The following COL9A3 variants were observed in gnomAD, a reference collection of about 807,000 sequenced individuals.
COL9A3 encodes collagen type IX alpha 3 chain.
A neutral mutation model predicts 110.2 loss-of-function variants in COL9A3; 82 were observed. That is an observed-to-expected ratio of 0.74 (90% CI 0.62 to 0.89). The LOEUF (loss-of-function observed/expected upper bound fraction) is 0.89. Ranked by LOEUF, COL9A3 falls within the 40% of genes least tolerant of loss-of-function variation. COL9A3 has a pLI of 0.00. For missense variants in COL9A3, 1,066 were observed against 981.3 expected, an observed-to-expected ratio of 1.09 and a Z score of -1.15; for synonymous variants, 494 against 403.8, an observed-to-expected ratio of 1.22 and a Z score of -2.68.
chr20:62,825,978 T>G, intron 13 of COL9A3, 108 bp downstream of exon 13: 1 of 1,308,012 alleles, frequency 7.6e-7, no homozygotes, highest in Non-Finnish European at 1.1e-6. Flanking sequence ...TGGGGGGTGT[T>G]TGGCCAACAC....
intron 26 of COL9A3, among the ~76,000 whole-genome samples, chr20:62,834,480 A>AG (rs1204884302): frequency 1.3e-5 from 2 of 152,104 alleles, no homozygotes; most frequent in Non-Finnish European, 2.9e-5. Context: ...GGCTTTCCCG[A>AG]GGGGGGTTTT....
At position 62,821,519 on chromosome 20, in the gene COL9A3, C is replaced by T. The variant is rs1402135273; in HGVS notation, c.358C>T (p.Pro120Ser). 2 of 1,612,864 alleles carry T rather than the reference C, an allele frequency of 1.2e-6. No individual in the cohort carries two copies. The highest frequency in any genetic ancestry group is 1.1e-5 in the South Asian group (1 of 91,078). The change falls in exon 7 of 32, where the codon CCT becomes TCT. Residue 120 changes from proline (P) to serine (S), a missense_variant. By Grantham distance (74) the Pro-to-Ser change is moderately conservative. Coordinates refer to ENST00000649368, the MANE Select transcript of COL9A3 (RefSeq NM_001853.4). ...TTTGGCTTTGCAGGGCAAAGGCCTCCCTGGACCCCCCGTGAGTACTGACAA... is the reference window on the plus strand; with the variant it reads ...TTTGGCTTTGCAGGGCAAAGGCCTCTCTGGACCCCCCGTGAGTACTGACAA... ...GPPGLGGKGL[P>S]GPPGEAGVSG...
intron 25 of COL9A3, 54 bp downstream of exon 25, chr20:62,832,243 C>T: frequency 1.3e-6 from 2 of 1,562,702 alleles, no homozygotes; most frequent in Non-Finnish European, 1.8e-6. Flanking sequence ...TGCACAGCTT[C>T]TCCCAGGCTC....
intron 3 of COL9A3, 104 bp downstream of exon 3, chr20:62,818,657 C>G: frequency 7.7e-7 from 1 of 1,304,608 alleles, no homozygotes; most frequent in South Asian, 1.2e-5. Flanking sequence ...TGCCGGAGCC[C>G]GGGTTGCCTG....
intron 12 of COL9A3, among the ~76,000 whole-genome samples, 179 bp downstream of exon 12, chr20:62,825,200 G>T (rs996524216): frequency 3.3e-5 from 5 of 150,216 alleles, no homozygotes; most frequent in African/African-American, 1.2e-4. Context: ...GGCTCCGGCG[G>T]TGGGGAGGGA....
chr20:62,822,709 G>A lies in COL9A3; in HGVS notation c.519+77G>A. On this transcript the variant is annotated intron_variant, in intron 10 of 31. Coordinates refer to ENST00000649368, the MANE Select transcript of COL9A3 (RefSeq NM_001853.4). ...GGGAGGGGTTCTGGCCTGGAGAGGGGCTTGTCCATACTGGCAAGAAGGCAG... is the reference window on the plus strand; with the variant it reads ...GGGAGGGGTTCTGGCCTGGAGAGGGACTTGTCCATACTGGCAAGAAGGCAG... The A allele has an allele frequency of 2.0e-6, 3 of 1,497,596 alleles. No homozygotes were observed. The Middle Eastern group carries it at 5.4e-4, about 271-fold the overall frequency. The allele number at this position is 1,497,596 out of a possible 1,614,324, so 92.8% of individuals were successfully genotyped here.
At chr20:62,829,526 T>C (rs751844186) in intron 20 of COL9A3, 27 bp downstream of exon 20, 10 of 1,526,608 alleles carry the variant, frequency 6.6e-6, no homozygotes, top group South Asian at 2.2e-5. Context: ...GCTTTCTCTC[T>C]GGGAGGGGAG....
In COL9A3 at chr20:62,832,042, G is replaced by A. The variant is rs565804402; in HGVS notation, c.1288-112G>A. 3.7e-5 allele frequency: 40 copies of A among 1,092,032 alleles called. No homozygotes were observed. In the South Asian group the frequency reaches 5.0e-4, roughly 14 times the overall value. 67.6% of individuals were successfully genotyped at this position (1,092,032 alleles called of 1,614,324 possible). ...GAGCCGGTGTTCACAGAAGCCCTTT[G>A]TGCAGCACAGATGGAGATGTGGGGA... On this transcript the variant is annotated intron_variant, in intron 24 of 31. Coordinates refer to ENST00000649368, the MANE Select transcript of COL9A3 (RefSeq NM_001853.4).
chr20:62,828,010 C>T (rs1307582125), intron 17 of COL9A3, 34 bp downstream of exon 17: 1 of 1,610,464 alleles, frequency 6.2e-7, no homozygotes. Context: ...GAATGCTCCT[C>T]CCCCGGGTCC....
Position 62,837,333 on chromosome 20 carries a change from C to T in COL9A3, c.1786+68C>T, listed in dbSNP as rs375185148. On this transcript the variant is annotated intron_variant, in intron 30 of 31. Transcript: ENST00000649368. Reference sequence around the variant, plus strand: ...TCCCTGAGACTGACTTGTTAGTAGGCGCTGCTTCTGGTGCCTGCCATGCGC... The same window carrying T: ...TCCCTGAGACTGACTTGTTAGTAGGTGCTGCTTCTGGTGCCTGCCATGCGC... 874 of 1,527,626 alleles carry T rather than the reference C, an allele frequency of 5.7e-4. 7 individuals are homozygous for T. The African/African-American group carries it at 0.01, about 17-fold the overall frequency. The allele number at this position is 1,527,626 out of a possible 1,614,324, so 94.6% of individuals were successfully genotyped here.
rs1471038113 is a variant in COL9A3 at position 62,829,817 on chromosome 20, G to T, written c.1159G>T (p.Ala387Ser). The stretch of plus-strand genomic sequence containing the variant: ...CGGTGAGGCTGGCCACCGGGGCTCA[G>T]CGGTGAGTGCAGGGACATGGCCCGG... Reference protein sequence around the residue: ...ERGEAGHRGSAGALGPQGPPG... With the variant: ...ERGEAGHRGSSGALGPQGPPG... Residue 387 changes from alanine (A) to serine (S), a missense_variant and splice_region_variant, in exon 22 of 32, where the codon GCG (alanine) becomes TCG (serine). By Grantham distance (99) the Ala-to-Ser change is moderately conservative. Coordinates refer to ENST00000649368, the MANE Select transcript of COL9A3 (RefSeq NM_001853.4). 1.3e-6 allele frequency: 2 copies of T among 1,568,714 alleles called. No homozygotes were observed. The highest frequency in any genetic ancestry group is 1.7e-6 in the Non-Finnish European group (2 of 1,158,040).
At chr20:62,836,420 G>A (rs760283995) in intron 28 of COL9A3, 58 bp from the exon 29 acceptor site, 16 of 1,613,352 alleles carry the variant, frequency 9.9e-6, no homozygotes, top group Non-Finnish European at 1.3e-5. Flanking sequence ...GGTGACGGTG[G>A]GAATGCCTCA....
intron 16 of COL9A3, 105 bp from the exon 17 acceptor site, chr20:62,827,818 G>A (rs1478230419): frequency 7.9e-6 from 10 of 1,257,914 alleles, no homozygotes; most frequent in African/African-American, 4.4e-5. Context: ...GGCCCCTGCC[G>A]CTGCCCACCA....
chr20:62,830,217 G>A, intron 22 of COL9A3, 143 bp from the exon 23 acceptor site: 5 of 986,922 alleles, frequency 5.1e-6, no homozygotes, highest in Non-Finnish European at 7.9e-6. Flanking sequence ...CCCTGCCTTT[G>A]TCCCCAGCAA....
Position 62,821,524 on chromosome 20 carries a change from A to AC in COL9A3, c.369dup (p.Gly124ArgfsTer44), listed in dbSNP as rs1218220070. 2 of 1,611,788 alleles carry AC rather than the reference A, an allele frequency of 1.2e-6. No individual in the cohort carries two copies. The highest frequency in any genetic ancestry group is 1.7e-5 in the Admixed American group (1 of 59,938). On this transcript the variant is annotated frameshift_variant, in exon 7 of 32. Transcript: ENST00000649368. LOFTEE classifies it high-confidence loss of function. The stretch of plus-strand genomic sequence containing the variant: ...CTTTGCAGGGCAAAGGCCTCCCTGG[A>AC]CCCCCCGTGAGTACTGACAACCCTT...
chr20:62,829,561 TG>T lies in COL9A3; in HGVS notation c.1054-61del, dbSNP rs3215568. ...GGCGAGGGGCCGGGAGGCAAGGGGC[TG>T]GGGGGCCAGCGACCTGGCCCCAGTG... is the stretch of plus-strand genomic sequence containing the variant. On this transcript the variant is annotated intron_variant, in intron 20 of 31. Coordinates refer to ENST00000649368, the MANE Select transcript of COL9A3 (RefSeq NM_001853.4). 8 of 1,602,434 alleles carry T rather than the reference TG, an allele frequency of 5.0e-6. No individual in the cohort carries two copies. In the South Asian group the frequency reaches 6.6e-5, roughly 13 times the overall value.
chr20:62,833,076 G>A lies in COL9A3; in HGVS notation c.1368+12G>A. The A allele has an allele frequency of 6.2e-7, 1 of 1,610,742 alleles. No homozygotes were observed. The highest frequency in any genetic ancestry group is 8.5e-7 in the Non-Finnish European group (1 of 1,177,094). On this transcript the variant is annotated intron_variant, in intron 26 of 31. Transcript: ENST00000649368. ...ATAAAGGAGAACTGGTGAGTAATTA[G>A]GTAACCTCACTGTTACCAACAGCTG...
chr20:62,826,927 T>C, intron 15 of COL9A3, 107 bp downstream of exon 15: 9 of 1,282,240 alleles, frequency 7.0e-6, no homozygotes, highest in Non-Finnish European at 9.9e-6. Flanking sequence ...CTTCTGTGGC[T>C]GAGCTGTTCC....
At chr20:62,835,790 A>G (rs2063630116) in intron 26 of COL9A3, 131 bp from the exon 27 acceptor site, 15 of 906,630 alleles carry the variant, frequency 1.7e-5, no homozygotes, top group Non-Finnish European at 2.4e-5. Context: ...AACGGAAGGA[A>G]CCACTGTCAA....
Sources: gnomAD v4.1 joint callset for allele counts (sites outside exome capture counted in the v4.1 genomes callset) on GRCh38, gnomAD v4.1.1 for gene constraint, MANE v1.5 for transcripts, NCBI Gene and HGNC (gene_info 2026-07-23, HGNC 2026-07-21) for gene names.